Variants in CELF2 observed in about 807,000 individuals in gnomAD.
The protein encoded by CELF2 is CUG triplet repeat RNA-binding protein 2.
Under a neutral mutation model 62.6 loss-of-function variants are expected in CELF2, and 8 were observed. That is an observed-to-expected ratio of 0.13 (90% CI 0.07 to 0.23). The LOEUF is 0.23. Among genes scored for constraint, CELF2 ranks in the 10% least tolerant of loss-of-function variants. The pLI is 1.00. For synonymous variants in CELF2, 258 were observed against 250.0 expected (o/e 1.03, Z -0.30); for missense variants, 333 against 671.0 (o/e 0.50, Z 5.56).
At chr10:10,932,280 G>T (rs1352741708) in intron 2 of CELF2, among the ~76,000 whole-genome samples, 1 of 152,028 alleles carries the variant, frequency 6.6e-6, no homozygotes, top group African/African-American at 2.4e-5. Context: ...GGGAGATGTT[G>T]GTCAAAAGGT....
intron 1 of CELF2, among the ~76,000 whole-genome samples, chr10:10,799,003 T>C (rs1183722529): frequency 1.3e-5 from 2 of 152,128 alleles, no homozygotes; most frequent in African/African-American, 4.8e-5. Context: ...CCTGTGAACG[T>C]GAGGTCCTCC....
the CELF2 span, among the ~76,000 whole-genome samples, chr10:10,551,287 C>T: frequency 6.6e-6 from 1 of 152,036 alleles, no homozygotes. Flanking sequence ...TAGAGTTGCC[C>T]CTGATTGAGG....
the CELF2 span, among the ~76,000 whole-genome samples, chr10:10,686,009 T>C: frequency 6.6e-6 from 1 of 152,148 alleles, no homozygotes; most frequent in Non-Finnish European, 1.5e-5. Context: ...TCACTGAGGA[T>C]GATGGCAGCT....
the CELF2 span, among the ~76,000 whole-genome samples, chr10:10,538,524 C>A: frequency 1.3e-5 from 2 of 152,182 alleles, no homozygotes; most frequent in African/African-American, 2.4e-5. Context: ...GCTCTCCTGG[C>A]TTTAAGCCAT....
chr10:10,606,242 C>G, the CELF2 span, among the ~76,000 whole-genome samples: 1 of 151,986 alleles, frequency 6.6e-6, no homozygotes, highest in African/African-American at 2.4e-5. Context: ...GTGTTTTACT[C>G]AAAAAAACGT....
In CELF2 at chr10:11,319,261, G is replaced by A. The variant is rs543189285; in HGVS notation, c.1097-1928G>A. The A allele has an allele frequency of 9.8e-5, 37 of 375,734 alleles. No homozygotes were observed. The highest frequency in any genetic ancestry group is 6.1e-4 in the South Asian group (30 of 49,362). 23.3% of individuals were successfully genotyped at this position (375,734 alleles called of 1,614,324 possible). A position where few individuals can be genotyped will look rare whatever the true frequency, so the allele number is the denominator to read the frequency against. ...TTATCAGCAGCGTCCAGCCCTTCCC[G>A]AGTTATTGTACATACCCCTCTCACC... On this transcript the variant is annotated intron_variant, in intron 10 of 12. Transcript: ENST00000633077. The surrounding 1 kb of genome is among the most constrained non-coding windows in gnomAD (Gnocchi z 4.4).
At chr10:10,810,131 T>A (rs2055697949) in intron 1 of CELF2, among the ~76,000 whole-genome samples, 2 of 152,240 alleles carry the variant, frequency 1.3e-5, no homozygotes, top group African/African-American at 4.8e-5. Context: ...GTACCTTACA[T>A]ACATGCATAA....
chr10:10,970,256 G>A lies in CELF2; in HGVS notation c.89+50257G>A, dbSNP rs376879549. Among the ~76,000 whole-genome samples the A allele has an allele frequency of 7.2e-5, 11 of 151,806 alleles. 1 individual carries two copies. Among genetic ancestry groups the A allele is most frequent in the Non-Finnish European group, 1.2e-4 (8 of 67,950 alleles). On this transcript the variant is annotated intron_variant, in intron 2 of 13. Coordinates refer to the CELF2 transcript ENST00000636488. ...GCTAGTTTTTGCTTTTAAGAGATAC[G>A]GGGTTTCACCATGTTGGCCAGGCTG...
chr10:10,705,366 T>TTA, the CELF2 span, among the ~76,000 whole-genome samples: 4 of 134,042 alleles, frequency 3.0e-5, no homozygotes, highest in African/African-American at 8.4e-5. Flanking sequence ...CCTTCCCTAT[T>TTA]AAAAAAAAAA....
the CELF2 span, among the ~76,000 whole-genome samples, chr10:10,483,019 C>T: frequency 6.6e-6 from 1 of 152,146 alleles, no homozygotes. Flanking sequence ...CTCCCTTCTT[C>T]TGCCTCCTTA....
At chr10:10,724,413 T>G in the CELF2 span, among the ~76,000 whole-genome samples, 2 of 152,064 alleles carry the variant, frequency 1.3e-5, no homozygotes, top group Non-Finnish European at 2.9e-5. Context: ...CCCACCATTT[T>G]CAGAGGCCAA....
intron 1 of CELF2, among the ~76,000 whole-genome samples, chr10:10,856,651 A>G (rs1425408499): frequency 6.6e-6 from 1 of 152,100 alleles, no homozygotes; most frequent in Non-Finnish European, 1.5e-5. Flanking sequence ...CACATTTCCC[A>G]TTCTCCTAAA....
chr10:10,588,747 A>G, the CELF2 span, among the ~76,000 whole-genome samples: 2 of 152,246 alleles, frequency 1.3e-5, no homozygotes, highest in African/African-American at 4.8e-5. Flanking sequence ...CAGCAAAGCC[A>G]TTAATTGAAC....
chr10:11,245,048 C>G (rs1475251345), intron 3 of CELF2, among the ~76,000 whole-genome samples: 1 of 152,192 alleles, frequency 6.6e-6, no homozygotes, highest in East Asian at 1.9e-4. Flanking sequence ...TCCTCCTCTT[C>G]CCAGCATCTA....
chr10:10,887,783 T>A (rs1309993632), intron 1 of CELF2, among the ~76,000 whole-genome samples: 6 of 151,990 alleles, frequency 3.9e-5, no homozygotes, highest in Admixed American at 3.9e-4. Flanking sequence ...TATTTTTTTT[T>A]TTTTTTGGAG....
chr10:10,719,699 T>C, the CELF2 span, among the ~76,000 whole-genome samples: 2 of 152,212 alleles, frequency 1.3e-5, no homozygotes, highest in Non-Finnish European at 2.9e-5. Context: ...CACCTTGCTC[T>C]GTGACCCTAA....
At chr10:10,632,664 C>T in the CELF2 span, among the ~76,000 whole-genome samples, 12 of 152,036 alleles carry the variant, frequency 7.9e-5, no homozygotes, top group South Asian at 2.3e-3. Context: ...TTTTGTTTGT[C>T]GGTGTTCGCT....
the CELF2 span, among the ~76,000 whole-genome samples, chr10:10,663,654 G>T: frequency 5.3e-5 from 8 of 152,306 alleles, no homozygotes; most frequent in African/African-American, 1.7e-4. Flanking sequence ...GATAAGAAAT[G>T]CTTCCGTTGG....
chr10:10,892,426 A>G (rs2062211065), intron 1 of CELF2, among the ~76,000 whole-genome samples: 1 of 152,138 alleles, frequency 6.6e-6, no homozygotes, highest in South Asian at 2.1e-4. Flanking sequence ...CATGTTCAGC[A>G]TGAGACTCTT....
Sources: gnomAD v4.1 joint callset for allele counts (sites outside exome capture counted in the v4.1 genomes callset) on GRCh38, gnomAD v4.1.1 for gene constraint, Gnocchi (gnomAD v3.1) non-coding constraint, MANE v1.5 for transcripts, NCBI Gene and HGNC (gene_info 2026-07-23, HGNC 2026-07-21) for gene names.